GPN1: variants seen among roughly 807,000 people sequenced by gnomAD.
The protein encoded by GPN1 is GPN-loop GTPase 1, also known as ATP(GTP)-binding protein.
In GPN1, 44 loss-of-function variants were observed where a neutral mutation model predicts 55.9. That is an observed-to-expected ratio of 0.79 (90% confidence interval 0.62 to 1.01). GPN1 has a LOEUF of 1.01. Ranked by LOEUF, GPN1 falls within the 50% of genes least tolerant of loss-of-function variation. GPN1 has a pLI of 0.00. For missense variants in GPN1, 466 were observed against 462.8 expected (o/e 1.01, Z -0.06); for synonymous variants, 179 against 162.5 (o/e 1.10, Z -0.77).
intron 7 of GPN1, among the ~76,000 whole-genome samples, chr2:27,636,479 A>ATTT (rs1433761366): frequency 6.6e-6 from 1 of 152,148 alleles, no homozygotes; most frequent in African/African-American, 2.4e-5. Context: ...TTTTCATATT[A>ATTT]ATTATTTATT....
At chr2:27,635,917 T>G (rs538978049) in intron 7 of GPN1, among the ~76,000 whole-genome samples, 1 of 152,112 alleles carries the variant, frequency 6.6e-6, no homozygotes, top group Admixed American at 6.5e-5. Flanking sequence ...TATCCATAAT[T>G]GTAAAATGCA....
intron 2 of GPN1, 61 bp downstream of exon 2, chr2:27,630,013 C>T (rs1673472189): frequency 9.4e-6 from 9 of 957,650 alleles, no homozygotes; most frequent in Admixed American, 8.5e-5. Context: ...AAAGGCCAGG[C>T]GTGGTGGCTC....
chr2:27,639,407 T>C (rs1468514140), intron 9 of GPN1, among the ~76,000 whole-genome samples: 2 of 152,194 alleles, frequency 1.3e-5, no homozygotes, highest in Non-Finnish European at 2.9e-5. Context: ...AAAGGCAGAA[T>C]GGGTTAATTG....
rs781134462 is a variant in GPN1 at position 27,642,414 on chromosome 2, TC to T, written c.841-14del. On this transcript the variant is annotated splice_polypyrimidine_tract_variant and intron_variant, in intron 11 of 13. Transcript: ENST00000610189. Reference sequence around the variant, plus strand: ...TCCTTTTTGAATATGATGACATTTTTCTCTGTATATACAGGCCAACGCAGAG... The same window carrying T: ...TCCTTTTTGAATATGATGACATTTTTTCTGTATATACAGGCCAACGCAGAG... The T allele has an allele frequency of 2.8e-4, 428 of 1,554,482 alleles. 1 individual carries two copies. Among genetic ancestry groups the T allele is most frequent in the Non-Finnish European group, 3.7e-4 (420 of 1,127,254 alleles).
chr2:27,638,014 T>A (rs1673796486), intron 7 of GPN1, among the ~76,000 whole-genome samples, 196 bp from the exon 8 acceptor site: 1 of 151,608 alleles, frequency 6.6e-6, no homozygotes, highest in African/African-American at 2.4e-5. Flanking sequence ...CAAACAAGAG[T>A]GAGAGTGTGT....
At chr2:27,629,192 A>T (rs1346985754) in intron 1 of GPN1, 23 bp downstream of exon 1, 1 of 1,609,468 alleles carries the variant, frequency 6.2e-7, no homozygotes, top group South Asian at 1.1e-5. Flanking sequence ...GCATGGGTGT[A>T]GTAGGGGAGC....
At chr2:27,644,276 C>G (rs916140981) in intron 12 of GPN1, among the ~76,000 whole-genome samples, 1 of 152,054 alleles carries the variant, frequency 6.6e-6, no homozygotes, top group African/African-American at 2.4e-5. Context: ...TATAAATATC[C>G]TTTTAGTTTT....
intron 13 of GPN1, 75 bp from the exon 14 acceptor site, chr2:27,650,040 G>C: frequency 1.2e-6 from 1 of 828,482 alleles, no homozygotes; most frequent in South Asian, 1.4e-5. Context: ...ACTGTTTTCT[G>C]ATGGATGGGT....
intron 5 of GPN1, 114 bp from the exon 6 acceptor site, chr2:27,634,732 G>T: frequency 1.4e-6 from 1 of 704,542 alleles, no homozygotes; most frequent in Non-Finnish European, 2.6e-6. Context: ...AGATTTGGCA[G>T]TGTGCAGAGG....
At chr2:27,635,551 C>T (rs1673703452) in intron 7 of GPN1, among the ~76,000 whole-genome samples, 2 of 152,178 alleles carry the variant, frequency 1.3e-5, no homozygotes, top group East Asian at 3.8e-4. Flanking sequence ...GTCCTCTGGG[C>T]TGGGTCTGTC....
chr2:27,629,119 T>C lies in GPN1; in HGVS notation c.61T>C (p.Cys21Arg), dbSNP rs139936437. 6.2e-7 allele frequency: 1 copy of C among 1,614,152 alleles called. No individual in the cohort carries two copies. The highest frequency in any genetic ancestry group is 8.5e-7 in the Non-Finnish European group (1 of 1,180,016). ...QASGGPRHPV[C>R]LLVLGMAGSG... The stretch of plus-strand genomic sequence containing the variant: ...TTCTGGGGGTCCGCGGCACCCAGTG[T>C]GTCTGTTGGTGTTGGGAATGGCGGG... Residue 21 changes from cysteine to arginine, a missense_variant, in exon 1 of 14, where the codon TGT becomes CGT. Cys to Arg is a radical substitution (Grantham distance 180). Coordinates refer to ENST00000610189, the MANE Select transcript of GPN1 (RefSeq NM_007266.4).
rs111571364 is a variant in GPN1 at position 27,636,450 on chromosome 2, G to T, written c.524+1216G>T. On this transcript the variant is annotated intron_variant, in intron 7 of 13. Transcript: ENST00000610189. ...ATTGTGATCCAAATAGAAATCTGAAGATTGACAGCATTATTTCATTTTCAT... is the reference window on the plus strand; with the variant it reads ...ATTGTGATCCAAATAGAAATCTGAATATTGACAGCATTATTTCATTTTCAT... Among the ~76,000 whole-genome samples, 1,494 of 152,226 alleles carry T rather than the reference G, an allele frequency of 9.8e-3. 13 individuals are homozygous for T. Among genetic ancestry groups the T allele is most frequent in the Non-Finnish European group, 0.015 (1,038 of 68,010 alleles).
intron 3 of GPN1, 101 bp downstream of exon 3, chr2:27,631,167 A>G: frequency 1.4e-6 from 1 of 704,434 alleles, no homozygotes; most frequent in South Asian, 1.5e-5. Flanking sequence ...TGTGAAATAT[A>G]CAAGCAAAAG....
At chr2:27,640,195 TC>T in intron 10 of GPN1, 70 bp downstream of exon 10, 1 of 1,027,782 alleles carries the variant, frequency 9.7e-7, no homozygotes, top group Non-Finnish European at 1.5e-6. Flanking sequence ...AAGCAGTTTT[TC>T]CAGGAAAAGC....
At chr2:27,630,522 T>G (rs1673504511) in intron 2 of GPN1, among the ~76,000 whole-genome samples, 1 of 151,330 alleles carries the variant, frequency 6.6e-6, no homozygotes, top group African/African-American at 2.4e-5. Flanking sequence ...CCTGCCGCTA[T>G]GCTGGGCTAG....
upstream of GPN1, chr2:27,628,492 T>G (rs1400986159): frequency 6.4e-7 from 1 of 1,551,310 alleles, no homozygotes; most frequent in Admixed American, 2.0e-5. Context: ...AACCTGCGTC[T>G]GCAACTCGCG....
intron 3 of GPN1, 94 bp from the exon 4 acceptor site, chr2:27,631,740 C>T (rs1319080053): frequency 6.2e-6 from 5 of 802,382 alleles, no homozygotes; most frequent in Non-Finnish European, 6.7e-6. Flanking sequence ...TAATGGAACA[C>T]TAATTTCATA....
chr2:27,647,125 C>G (rs1200282227), intron 12 of GPN1, among the ~76,000 whole-genome samples: 2 of 152,144 alleles, frequency 1.3e-5, no homozygotes, highest in Non-Finnish European at 2.9e-5. Flanking sequence ...GGCCCACAGG[C>G]CCCTTGAGAT....
chr2:27,631,363 C>T (rs756872271), intron 3 of GPN1: 28 of 472,020 alleles, frequency 5.9e-5, no homozygotes, highest in Middle Eastern at 5.7e-4. Flanking sequence ...ATCTGTTGGT[C>T]ACCACCTCTT....
Sources: gnomAD v4.1 joint callset for allele counts (sites outside exome capture counted in the v4.1 genomes callset) on GRCh38, gnomAD v4.1.1 for gene constraint, MANE v1.5 for transcripts, NCBI Gene and HGNC (gene_info 2026-07-23, HGNC 2026-07-21) for gene names.